Variants in TIAM2 observed in about 807,000 individuals in gnomAD.
TIAM2 encodes TIAM Rac1 associated GEF 2.
A neutral mutation model predicts 152.9 loss-of-function variants in TIAM2; 80 were observed. The ratio of observed to expected loss-of-function variants is 0.52; its 90% CI spans 0.44 to 0.63. TIAM2 has a LOEUF of 0.63. TIAM2 is among the 30% of genes least tolerant of loss of function. The pLI, the probability that TIAM2 is intolerant of heterozygous loss-of-function variation, is 0.00. For missense variants in TIAM2, 1,965 were observed against 2,120.1 expected (o/e 0.93, Z 1.44); for synonymous variants, 804 against 838.0 (o/e 0.96, Z 0.70).
At chr6:155,246,162 G>C (rs1783315843) in intron 19 of TIAM2, among the ~76,000 whole-genome samples, 1 of 151,802 alleles carries the variant, frequency 6.6e-6, no homozygotes, top group Admixed American at 6.6e-5. Flanking sequence ...TGAAAGTAAA[G>C]TCTCTCTGGT....
chr6:155,104,066 C>CACA (rs1562317003), intron 2 of TIAM2, among the ~76,000 whole-genome samples: 7 of 127,466 alleles, frequency 5.5e-5, no homozygotes, highest in African/African-American at 2.6e-4. Flanking sequence ...CCCCACACAC[C>CACA]CCCACACACC....
At chr6:155,088,400 A>G (rs370842817) in intron 1 of TIAM2, among the ~76,000 whole-genome samples, 3 of 152,180 alleles carry the variant, frequency 2.0e-5, no homozygotes, top group East Asian at 3.8e-4. Flanking sequence ...GTGTATTTCT[A>G]TAGCATGAGT....
At chr6:155,191,083 A>G (rs1486274151) in intron 14 of TIAM2, among the ~76,000 whole-genome samples, 1 of 152,146 alleles carries the variant, frequency 6.6e-6, no homozygotes, top group African/African-American at 2.4e-5. Flanking sequence ...GCTTTTTCAG[A>G]TTGGTAATAC....
At position 155,130,215 on chromosome 6, in the gene TIAM2, A is replaced by G. The variant is rs903162305; in HGVS notation, c.992A>G (p.Asn331Ser). 1.9e-5 allele frequency: 31 copies of G among 1,614,074 alleles called. No homozygotes were observed. The highest frequency in any genetic ancestry group is 2.5e-5 in the Non-Finnish European group (29 of 1,180,046). Residue 331 changes from asparagine (N) to serine (S), a missense_variant, in exon 4 of 27, where the codon AAC becomes AGC. Physicochemically the swap from Asn to Ser is conservative, Grantham distance 46. This residue lies in a region of TIAM2 where 1,025 missense variants were observed against 1,119.4 expected (regional missense o/e 0.92). Coordinates refer to ENST00000682666, the MANE Select transcript of TIAM2 (RefSeq NM_012454.4). ...ATGGGCACGCATGCCAGCCTGAGCA[A>G]CCGTGTCTCTTTTGCTTCCGACATT... ...EYMGTHASLSNRVSFASDIDV... is the reference protein window; with the variant it reads ...EYMGTHASLSSRVSFASDIDV...
chr6:155,204,303 A>T (rs1781545856), intron 14 of TIAM2, among the ~76,000 whole-genome samples: 1 of 152,060 alleles, frequency 6.6e-6, no homozygotes. Flanking sequence ...GAGTTTTGTC[A>T]TTTTGGAAAA....
intron 1 of TIAM2, among the ~76,000 whole-genome samples, chr6:155,049,790 A>C (rs1777279627): frequency 8.2e-6 from 1 of 122,458 alleles, no homozygotes; most frequent in Non-Finnish European, 1.6e-5. Context: ...TAAATTACAA[A>C]AGTATCTTTT....
intron 14 of TIAM2, among the ~76,000 whole-genome samples, chr6:155,197,702 TGGC>T (rs1488613181): frequency 6.6e-6 from 1 of 151,996 alleles, no homozygotes; most frequent in Non-Finnish European, 1.5e-5. Flanking sequence ...CTTCTTCACA[TGGC>T]GGCGGCAAGC....
chr6:155,079,032 T>C (rs1348442794), intron 1 of TIAM2, among the ~76,000 whole-genome samples: 1 of 152,034 alleles, frequency 6.6e-6, no homozygotes, highest in African/African-American at 2.4e-5. Context: ...TTTCTTTCCC[T>C]CATTCTGGAT....
intron 7 of TIAM2, among the ~76,000 whole-genome samples, chr6:155,150,009 G>A (rs1487258711): frequency 6.6e-6 from 1 of 151,322 alleles, no homozygotes; most frequent in Admixed American, 6.6e-5. Context: ...ATGATACACC[G>A]AGAATTTGGA....
chr6:155,137,551 G>A lies in TIAM2; in HGVS notation c.1569G>A (p.Lys523=). The change falls in exon 5 of 27, where the codon AAG becomes AAA. Residue 523 remains lysine (K), a synonymous_variant. Coordinates refer to ENST00000682666, the MANE Select transcript of TIAM2 (RefSeq NM_012454.4). ...LFFKPLVTVQ[K]ERKLELVARR... Reference sequence around the variant, plus strand: ...TCAAGCCCCTGGTCACTGTGCAGAAGGAAAGGAAGCTTGAGCTGGTGGCAC... The same window carrying A: ...TCAAGCCCCTGGTCACTGTGCAGAAAGAAAGGAAGCTTGAGCTGGTGGCAC... 2 of 1,612,956 alleles carry A rather than the reference G, an allele frequency of 1.2e-6. No individual in the cohort carries two copies. The highest frequency in any genetic ancestry group is 1.3e-5 in the African/African-American group (1 of 75,046).
At chr6:155,088,589 TGAA>T (rs1373633957) in intron 1 of TIAM2, among the ~76,000 whole-genome samples, 1 of 135,508 alleles carries the variant, frequency 7.4e-6, no homozygotes, top group East Asian at 2.2e-4. Context: ...ATTTTATAGT[TGAA>T]GAAACCAGAG....
chr6:155,051,862 A>G (rs2114924577), intron 1 of TIAM2, among the ~76,000 whole-genome samples: 1 of 151,934 alleles, frequency 6.6e-6, no homozygotes, highest in East Asian at 1.9e-4. Flanking sequence ...ATGGTCTCGA[A>G]CTCGTGACTT....
intron 14 of TIAM2, among the ~76,000 whole-genome samples, chr6:155,203,162 A>G (rs1463510121): frequency 1.3e-5 from 2 of 152,014 alleles, no homozygotes; most frequent in African/African-American, 4.8e-5. Context: ...GAGTTTTGTA[A>G]TAGTGGGTGA....
intron 1 of TIAM2, among the ~76,000 whole-genome samples, chr6:155,020,660 G>A (rs1158649980): frequency 5.3e-5 from 8 of 152,030 alleles, no homozygotes; most frequent in Non-Finnish European, 8.8e-5. Flanking sequence ...ACAGGGTTTC[G>A]TCATGTTGGC....
At chr6:155,084,933 T>A (rs1237625871) in intron 1 of TIAM2, among the ~76,000 whole-genome samples, 1 of 152,206 alleles carries the variant, frequency 6.6e-6, no homozygotes, top group African/African-American at 2.4e-5. Flanking sequence ...TCTTACCTAA[T>A]GCCTTGGAAT....
At chr6:155,145,620 G>A (rs1180112599) in intron 6 of TIAM2, among the ~76,000 whole-genome samples, 1 of 152,190 alleles carries the variant, frequency 6.6e-6, no homozygotes, top group Non-Finnish European at 1.5e-5. Context: ...TCTAAACCCA[G>A]CACTTGACAT....
At chr6:155,028,498 G>GTGTTACATATACTACATATATGTAC (rs1306236929) in intron 1 of TIAM2, among the ~76,000 whole-genome samples, 49 of 87,218 alleles carry the variant, frequency 5.6e-4, no homozygotes, top group Middle Eastern at 0.023. Context: ...TATATATACT[G>GTGTTACATATACTACATATATGTAC]TGTTACATAT....
chr6:155,214,429 A>G lies in TIAM2; in HGVS notation c.3168+3122A>G, dbSNP rs1781803500. On this transcript the variant is annotated intron_variant, in intron 15 of 26. Transcript: ENST00000682666. This position sits in a 1 kb window ranked among gnomAD's most constrained non-coding sequence, Gnocchi z 5.4. ...GAACGGATGCTTCTGGTTCCGAAGC[A>G]GCTGGTTTGATGAAGCAGCTATGGG... Among the ~76,000 whole-genome samples the G allele has an allele frequency of 6.6e-6, 1 of 152,226 alleles. No individual in the cohort carries two copies. Among genetic ancestry groups the G allele is most frequent in the African/African-American group, 2.4e-5 (1 of 41,460 alleles).
chr6:155,161,333 C>G (rs1182906321), intron 7 of TIAM2, among the ~76,000 whole-genome samples: 1 of 152,112 alleles, frequency 6.6e-6, no homozygotes, highest in Non-Finnish European at 1.5e-5. Flanking sequence ...TGCATGCCAC[C>G]ATGCTTGGCT....
Sources: allele counts gnomAD v4.1 joint callset (sites outside exome capture counted in the v4.1 genomes callset), GRCh38; gene constraint gnomAD v4.1.1; regional missense constraint gnomAD v4.1.1; non-coding constraint Gnocchi (gnomAD v3.1); transcripts MANE v1.5; gene names NCBI Gene and HGNC (gene_info 2026-07-23, HGNC 2026-07-21).